The following IMMP2L variants were observed in gnomAD, a reference collection of about 807,000 sequenced individuals.
The protein encoded by IMMP2L is mitochondrial inner membrane protease subunit 2.
IMMP2L carries 18 observed loss-of-function variants against 19.3 expected under a neutral mutation model. The observed-to-expected ratio is 0.93, with a 90% CI of 0.64 to 1.38. The LOEUF is 1.38. Among genes scored for constraint, IMMP2L ranks in the 40% most tolerant of loss-of-function variants. IMMP2L has a pLI of 0.00. For synonymous variants in IMMP2L, 76 were observed against 73.0 expected (o/e 1.04, Z -0.21); for missense variants, 233 against 218.2 (o/e 1.07, Z -0.43).
chr7:111,063,563 T>C (rs947015242), intron 3 of IMMP2L, among the ~76,000 whole-genome samples: 3 of 152,220 alleles, frequency 2.0e-5, no homozygotes, highest in Non-Finnish European at 2.9e-5. Flanking sequence ...TACTGCACTG[T>C]CAGGCTGCAG....
intron 3 of IMMP2L, chr7:111,393,006 AG>A (rs942201679): frequency 2.3e-5 from 8 of 352,364 alleles, no homozygotes; most frequent in Non-Finnish European, 4.5e-5. Context: ...GCATTACATA[AG>A]CGTTATTCAT....
At chr7:111,274,680 C>A (rs1818829465) in intron 3 of IMMP2L, among the ~76,000 whole-genome samples, 1 of 152,104 alleles carries the variant, frequency 6.6e-6, no homozygotes, top group Non-Finnish European at 1.5e-5. Context: ...CCAGTTATAT[C>A]TCAAAAGAGA....
intron 5 of IMMP2L, among the ~76,000 whole-genome samples, chr7:110,747,671 A>C (rs1268518634): frequency 2.0e-5 from 3 of 152,252 alleles, no homozygotes; most frequent in African/African-American, 7.2e-5. Context: ...CAATAGATGC[A>C]GAAAAAGCCT....
chr7:110,671,205 A>T (rs559593706), intron 5 of IMMP2L, among the ~76,000 whole-genome samples: 1 of 152,326 alleles, frequency 6.6e-6, no homozygotes, highest in South Asian at 2.1e-4. Flanking sequence ...GGAAATTCAT[A>T]ATCTAGAATA....
At chr7:111,276,472 G>A (rs528087731) in intron 3 of IMMP2L, among the ~76,000 whole-genome samples, 104 of 152,084 alleles carry the variant, frequency 6.8e-4, no homozygotes, top group South Asian at 3.1e-3. Context: ...GAGTAAGTTA[G>A]GAAGAATTCC....
chr7:111,414,747 G>C lies in IMMP2L; in HGVS notation c.239+72491C>G, dbSNP rs568114068. Among the ~76,000 whole-genome samples the C allele has an allele frequency of 1.3e-3, 203 of 151,862 alleles. 8 individuals carry two copies. Among genetic ancestry groups the C allele is most frequent in the African/African-American group, 4.6e-3 (190 of 41,216 alleles). On this transcript the variant is annotated intron_variant, in intron 3 of 5. Coordinates refer to ENST00000405709, the MANE Select transcript of IMMP2L (RefSeq NM_032549.4). The stretch of plus-strand genomic sequence containing the variant: ...TAAGACTATCATAATAGGTGAAACT[G>C]TGTACAGGGAAAAAGGGATTATATG...
At chr7:111,168,281 G>GC (rs1554373084) in intron 3 of IMMP2L, among the ~76,000 whole-genome samples, 1 of 147,538 alleles carries the variant, frequency 6.8e-6, no homozygotes, top group Non-Finnish European at 1.5e-5. Context: ...TTTAAGTTCT[G>GC]TTTTTTTTTT....
chr7:110,940,009 A>G (rs2129552865), intron 4 of IMMP2L, among the ~76,000 whole-genome samples: 1 of 152,312 alleles, frequency 6.6e-6, no homozygotes, highest in East Asian at 1.9e-4. Context: ...AATTCCAGAG[A>G]TATCACAGTG....
At chr7:110,678,396 G>A (rs537650934) in intron 5 of IMMP2L, among the ~76,000 whole-genome samples, 12 of 152,152 alleles carry the variant, frequency 7.9e-5, no homozygotes, top group African/African-American at 2.6e-4. Context: ...TCTGAATTGT[G>A]TACTATAAGT....
chr7:111,451,841 G>A (rs569422327), intron 3 of IMMP2L, among the ~76,000 whole-genome samples: 46 of 151,974 alleles, frequency 3.0e-4, no homozygotes, highest in East Asian at 3.9e-4. Flanking sequence ...GTTTTCTCTC[G>A]ATATATCACT....
chr7:111,450,771 C>A (rs1483175646), intron 3 of IMMP2L, among the ~76,000 whole-genome samples: 1 of 151,138 alleles, frequency 6.6e-6, no homozygotes, highest in Non-Finnish European at 1.5e-5. Context: ...ACTGAACAGG[C>A]AACCTACAAC....
intron 3 of IMMP2L, among the ~76,000 whole-genome samples, chr7:111,445,218 C>G (rs939525596): frequency 1.3e-5 from 2 of 151,932 alleles, no homozygotes; most frequent in Non-Finnish European, 2.9e-5. Flanking sequence ...CCCAAGAACA[C>G]TGCAGGACAT....
chr7:111,188,488 T>C (rs527712440), intron 3 of IMMP2L, among the ~76,000 whole-genome samples: 3 of 152,152 alleles, frequency 2.0e-5, no homozygotes, highest in African/African-American at 7.2e-5. Context: ...ATACGAGGGC[T>C]CCATCCTTGT....
intron 5 of IMMP2L, among the ~76,000 whole-genome samples, chr7:110,818,319 T>A (rs538315950): frequency 6.6e-6 from 1 of 152,268 alleles, no homozygotes; most frequent in African/African-American, 2.4e-5. Flanking sequence ...GAACACACAA[T>A]TCTCAAAAGA....
intron 5 of IMMP2L, among the ~76,000 whole-genome samples, chr7:110,851,658 C>T (rs1277112584): frequency 6.6e-6 from 1 of 152,076 alleles, no homozygotes; most frequent in African/African-American, 2.4e-5. Flanking sequence ...GGCAAGAAAG[C>T]CACTTACCCT....
intron 3 of IMMP2L, among the ~76,000 whole-genome samples, chr7:111,158,328 C>A (rs561175153): frequency 3.3e-5 from 5 of 151,988 alleles, no homozygotes; most frequent in Non-Finnish European, 4.4e-5. Flanking sequence ...AAGACTGTTG[C>A]ATACCAAATA....
intron 2 of IMMP2L, among the ~76,000 whole-genome samples, chr7:111,502,782 G>C (rs564630044): frequency 6.0e-5 from 9 of 151,000 alleles, no homozygotes; most frequent in East Asian, 5.8e-4. Flanking sequence ...CGAGAACAAA[G>C]ACACAACATA....
chr7:110,822,267 T>C (rs1803100309), intron 5 of IMMP2L, among the ~76,000 whole-genome samples: 1 of 152,140 alleles, frequency 6.6e-6, no homozygotes, highest in Non-Finnish European at 1.5e-5. Flanking sequence ...CTTCAAAATA[T>C]AGCTCAACTC....
chr7:111,476,726 T>C (rs1478802959), intron 3 of IMMP2L, among the ~76,000 whole-genome samples: 1 of 152,180 alleles, frequency 6.6e-6, no homozygotes, highest in African/African-American at 2.4e-5. Flanking sequence ...TCTTACCTTC[T>C]AGAGGCAGCC....
Sources: gnomAD v4.1 joint callset for allele counts (sites outside exome capture counted in the v4.1 genomes callset) on GRCh38, gnomAD v4.1.1 for gene constraint, MANE v1.5 for transcripts, NCBI Gene and HGNC (gene_info 2026-07-23, HGNC 2026-07-21) for gene names.